Variants in SV2C observed in about 807,000 individuals in gnomAD.
SV2C encodes solute carrier family 22 member B3.
In SV2C, 49 loss-of-function variants were observed where a neutral mutation model predicts 79.7. The ratio of observed to expected loss-of-function variants is 0.61; its 90% confidence interval spans 0.49 to 0.78. SV2C has a LOEUF of 0.78. Ranked by LOEUF, SV2C falls within the 30% of genes least tolerant of loss-of-function variation. The pLI, the probability that SV2C is intolerant of heterozygous loss-of-function variation, is 0.00. For missense variants in SV2C, 833 were observed against 912.9 expected (o/e 0.91, Z 1.13); for synonymous variants, 334 against 333.2 (o/e 1.00, Z -0.03).
At chr5:76,051,760 TG>T in the SV2C span, among the ~76,000 whole-genome samples, 1 of 152,290 alleles carries the variant, frequency 6.6e-6, no homozygotes, top group East Asian at 1.9e-4. Flanking sequence ...CAGTGGTTTC[TG>T]GGTGGTGGGA....
chr5:76,169,036 C>T (rs12188309), intron 2 of SV2C, among the ~76,000 whole-genome samples: 14 of 152,120 alleles, frequency 9.2e-5, no homozygotes, highest in African/African-American at 3.4e-4. Flanking sequence ...CTGCTGACTT[C>T]TCTGGGTTCC....
the SV2C span, among the ~76,000 whole-genome samples, chr5:75,881,756 G>A: frequency 1.3e-5 from 2 of 151,656 alleles, no homozygotes; most frequent in Non-Finnish European, 1.5e-5. Flanking sequence ...CGGACAATTT[G>A]ACTTCCTCTT....
At chr5:76,247,835 A>C (rs1351417687) in intron 4 of SV2C, among the ~76,000 whole-genome samples, 1 of 152,230 alleles carries the variant, frequency 6.6e-6, no homozygotes, top group Admixed American at 6.5e-5. Flanking sequence ...CTGAGATTAA[A>C]TTTGACAATA....
chr5:75,910,910 G>A, the SV2C span: 2 of 958,370 alleles, frequency 2.1e-6, no homozygotes, highest in African/African-American at 3.2e-5. Context: ...TTCCAACAAA[G>A]TCTTTGTGGT....
intron 12 of SV2C, among the ~76,000 whole-genome samples, chr5:76,308,665 G>A (rs11953276): frequency 0.039 from 5,532 of 140,568 alleles, 332 homozygotes; most frequent in African/African-American, 0.13. Context: ...CAACTTGTTC[G>A]ATTCCAAGTC....
chr5:76,082,735 G>C (rs30197), upstream of SV2C, among the ~76,000 whole-genome samples: 87,713 of 150,732 alleles, frequency 0.58, 27,406 homozygotes, highest in African/African-American at 0.82. Context: ...TGGGGAGACA[G>C]TAGACTTAAC....
the SV2C span, among the ~76,000 whole-genome samples, chr5:75,963,868 CT>C: frequency 6.6e-6 from 1 of 151,662 alleles, no homozygotes; most frequent in African/African-American, 2.4e-5. Context: ...CTCTTTTTTT[CT>C]TTTTGTTCTA....
chr5:76,184,694 A>C (rs1002451130), intron 2 of SV2C, among the ~76,000 whole-genome samples: 7 of 152,192 alleles, frequency 4.6e-5, no homozygotes, highest in African/African-American at 1.7e-4. Flanking sequence ...TGAGAACAGC[A>C]TGAAGGAAGC....
chr5:76,322,305 A>T (rs1748855590), intron 12 of SV2C, among the ~76,000 whole-genome samples: 1 of 152,212 alleles, frequency 6.6e-6, no homozygotes, highest in Admixed American at 6.5e-5. Flanking sequence ...AAGACAGTAA[A>T]ATACCTGGAA....
At chr5:75,938,050 G>A in the SV2C span, among the ~76,000 whole-genome samples, 2 of 152,160 alleles carry the variant, frequency 1.3e-5, no homozygotes, top group South Asian at 4.1e-4. Flanking sequence ...AATAACAGAT[G>A]TGTAATACCC....
At chr5:76,076,824 T>C in the SV2C span, among the ~76,000 whole-genome samples, 2 of 152,196 alleles carry the variant, frequency 1.3e-5, no homozygotes, top group African/African-American at 4.8e-5. Flanking sequence ...GTAGGGAGCA[T>C]TGATCTCTGG....
rs1467296220 is a variant in SV2C at position 76,330,347 on chromosome 5, G to A, written c.*4800G>A. ...CTCTTACTTAAGGCTAGCATGGTTGGGCAGGGGAAGAGCTGAGCCGAGCCT... is the reference window on the plus strand; with the variant it reads ...CTCTTACTTAAGGCTAGCATGGTTGAGCAGGGGAAGAGCTGAGCCGAGCCT... On this transcript the variant is annotated 3_prime_UTR_variant, in exon 13 of 13. Coordinates refer to ENST00000502798, the MANE Select transcript of SV2C (RefSeq NM_014979.4). 2.0e-5 allele frequency: 3 copies of A among 152,126 alleles called. No homozygotes were observed. The highest frequency in any genetic ancestry group is 4.4e-5 in the Non-Finnish European group (3 of 68,026). 9.4% of individuals were successfully genotyped at this position (152,126 alleles called of 1,614,324 possible).
intron 1 of SV2C, among the ~76,000 whole-genome samples, 198 bp from the exon 2 acceptor site, chr5:76,131,452 C>G (rs1748885844): frequency 6.7e-6 from 1 of 149,460 alleles, no homozygotes. Context: ...CTAAATACTC[C>G]AAGTGATGCT....
chr5:75,968,686 A>T, the SV2C span, among the ~76,000 whole-genome samples: 1 of 152,260 alleles, frequency 6.6e-6, no homozygotes, highest in African/African-American at 2.4e-5. Flanking sequence ...TGAAAAGACC[A>T]AATCTACGTC....
intron 4 of SV2C, among the ~76,000 whole-genome samples, chr5:76,274,918 T>G (rs1218664830): frequency 6.6e-6 from 1 of 152,084 alleles, no homozygotes; most frequent in African/African-American, 2.4e-5. Context: ...AATCAGAAAT[T>G]TATCTGATCA....
At chr5:75,961,656 A>G in the SV2C span, among the ~76,000 whole-genome samples, 1 of 151,940 alleles carries the variant, frequency 6.6e-6, no homozygotes, top group Non-Finnish European at 1.5e-5. Context: ...ACCATTTAAT[A>G]TTTTTAAAAA....
At chr5:75,999,516 T>C in the SV2C span, among the ~76,000 whole-genome samples, 70,432 of 151,652 alleles carry the variant, frequency 0.46, 17,169 homozygotes, top group Middle Eastern at 0.62. Context: ...ATTCTGCCCG[T>C]GTCCAAAGCC....
chr5:76,181,468 A>G lies in SV2C; in HGVS notation c.581-13451A>G, dbSNP rs536942525. The stretch of plus-strand genomic sequence containing the variant: ...CCTACCCGAGACTGGGTAATTTATG[A>G]AGAAAAGAGTTTTAACTGACTCATA... On this transcript the variant is annotated intron_variant, in intron 2 of 12. Coordinates refer to ENST00000502798, the MANE Select transcript of SV2C (RefSeq NM_014979.4). Among the ~76,000 whole-genome samples the G allele has an allele frequency of 4.6e-5, 7 of 152,344 alleles. No homozygotes were observed. In the South Asian group the frequency reaches 1.5e-3, roughly 32 times the overall value.
the SV2C span, among the ~76,000 whole-genome samples, chr5:76,028,329 G>C: frequency 6.6e-6 from 1 of 152,080 alleles, no homozygotes; most frequent in Non-Finnish European, 1.5e-5. Flanking sequence ...TCCCTGTTTT[G>C]CCATCTTGGC....
Sources: allele counts gnomAD v4.1 joint callset (sites outside exome capture counted in the v4.1 genomes callset), GRCh38; gene constraint gnomAD v4.1.1; transcripts MANE v1.5; gene names NCBI Gene and HGNC (gene_info 2026-07-23, HGNC 2026-07-21).